FBXL2: variants seen among roughly 807,000 people sequenced by gnomAD.
FBXL2 encodes F-box and leucine rich repeat protein 2, also known as F-box/LRR-repeat protein 2.
A neutral mutation model predicts 69.2 loss-of-function variants in FBXL2; 38 were observed. The ratio of observed to expected loss-of-function variants is 0.55; its 90% CI spans 0.42 to 0.72. The LOEUF is 0.72. Ranked by LOEUF, FBXL2 falls within the 30% of genes least tolerant of loss-of-function variation. FBXL2 has a pLI of 0.00. For synonymous variants in FBXL2, 192 were observed against 201.3 expected (o/e 0.95, Z 0.39); for missense variants, 354 against 520.3 (o/e 0.68, Z 3.11).
intron 2 of FBXL2, among the ~76,000 whole-genome samples, chr3:33,303,410 T>C (rs1259251695): frequency 1.3e-5 from 2 of 152,172 alleles, no homozygotes; most frequent in Non-Finnish European, 2.9e-5. Context: ...AAGGTCCAAA[T>C]TGGCAGAAGC....
intron 2 of FBXL2, among the ~76,000 whole-genome samples, chr3:33,354,504 C>T (rs1184828124): frequency 2.0e-5 from 3 of 150,380 alleles, no homozygotes; most frequent in Admixed American, 2.0e-4. Flanking sequence ...CAGAGTGAGA[C>T]TCCATCTGGA....
chr3:33,302,077 C>T (rs545727813), intron 2 of FBXL2, among the ~76,000 whole-genome samples: 7 of 151,972 alleles, frequency 4.6e-5, no homozygotes, highest in Non-Finnish European at 8.8e-5. Context: ...TTTGGATGCC[C>T]GAATATTTAA....
intron 2 of FBXL2, among the ~76,000 whole-genome samples, chr3:33,314,876 A>G (rs575534679): frequency 2.9e-4 from 44 of 152,346 alleles, no homozygotes; most frequent in Admixed American, 1.6e-3. Context: ...TTGAAGTGAC[A>G]TACTCAATTC....
At chr3:33,337,995 A>G (rs1248979031) in intron 2 of FBXL2, among the ~76,000 whole-genome samples, 4 of 152,252 alleles carry the variant, frequency 2.6e-5, no homozygotes, top group African/African-American at 7.2e-5. Context: ...TTTCATGCTC[A>G]TGGATGGGAA....
chr3:33,337,241 T>C (rs1356784031), intron 2 of FBXL2, among the ~76,000 whole-genome samples: 1 of 151,726 alleles, frequency 6.6e-6, no homozygotes, highest in East Asian at 1.9e-4. Flanking sequence ...CTTAAGATAA[T>C]GTGAAAGGAC....
At chr3:33,412,179 T>G in the FBXL2 span, among the ~76,000 whole-genome samples, 32 of 96,728 alleles carry the variant, frequency 3.3e-4, no homozygotes, top group Admixed American at 1.6e-3. Flanking sequence ...AGAGCGAAAC[T>G]CCGTCTCAAA....
At chr3:33,288,676 G>A (rs2034906938) in intron 1 of FBXL2, among the ~76,000 whole-genome samples, 1 of 152,154 alleles carries the variant, frequency 6.6e-6, no homozygotes, top group Non-Finnish European at 1.5e-5. Flanking sequence ...AAAACCAGTG[G>A]GGCTGGAGTG....
At chr3:33,376,210 A>T (rs184978060) in intron 10 of FBXL2, among the ~76,000 whole-genome samples, 417 of 152,286 alleles carry the variant, frequency 2.7e-3, no homozygotes, top group Admixed American at 7.8e-3. Flanking sequence ...AAGGTAATAG[A>T]TTATCATTAC....
chr3:33,383,922 T>A, intron 13 of FBXL2, 67 bp from the exon 14 acceptor site: 1 of 1,473,736 alleles, frequency 6.8e-7, no homozygotes, highest in Non-Finnish European at 9.4e-7. Context: ...AGCTTCCAGC[T>A]TTTTTTTAGG....
chr3:33,399,445 G>A (rs2044137913), intron 12 of FBXL2, among the ~76,000 whole-genome samples: 1 of 152,048 alleles, frequency 6.6e-6, no homozygotes, highest in Non-Finnish European at 1.5e-5. Context: ...AACTGTAATT[G>A]AGTACACTCA....
At chr3:33,280,733 A>G (rs935536337) in intron 1 of FBXL2, among the ~76,000 whole-genome samples, 6 of 146,706 alleles carry the variant, frequency 4.1e-5, no homozygotes, top group Non-Finnish European at 7.6e-5. Context: ...AAAAAAAAAA[A>G]GAAAAGAAAA....
chr3:33,382,484 A>C (rs2043129379), intron 13 of FBXL2: 1 of 152,218 alleles, frequency 6.6e-6, no homozygotes, highest in African/African-American at 2.4e-5. Context: ...GAATGGAATT[A>C]TCATGTATAC....
rs191076527 is a variant in FBXL2, at chr3:33,292,936, A to G, written c.4-4728A>G. Among the ~76,000 whole-genome samples the G allele has an allele frequency of 3.4e-3, 519 of 152,350 alleles. 2 individuals are homozygous for G. The highest frequency in any genetic ancestry group is 5.7e-3 in the Non-Finnish European group (391 of 68,016). ...TGATGAAAGGTTAATTCCTACAGGA[A>G]CCATAACAATTATAAGCACATATGC... On this transcript the variant is annotated intron_variant, in intron 1 of 14. Coordinates refer to ENST00000484457, the MANE Select transcript of FBXL2 (RefSeq NM_012157.5).
At chr3:33,401,153 C>T in intron 12 of FBXL2, 1 of 690,202 alleles carries the variant, frequency 1.4e-6, no homozygotes, top group Non-Finnish European at 2.3e-6. Context: ...TGAAAGTCTG[C>T]AACAAAATGC....
At chr3:33,418,362 T>A in the FBXL2 span, among the ~76,000 whole-genome samples, 32 of 152,068 alleles carry the variant, frequency 2.1e-4, no homozygotes, top group African/African-American at 7.2e-4. Flanking sequence ...CAAGCAATTC[T>A]CCCTGCCTTG....
intron 2 of FBXL2, among the ~76,000 whole-genome samples, chr3:33,323,750 A>G (rs945942237): frequency 1.3e-5 from 2 of 152,158 alleles, no homozygotes; most frequent in African/African-American, 4.8e-5. Context: ...GCTATTGTGA[A>G]TAGTGCTGCA....
At chr3:33,286,878 C>G (rs561458498) in intron 1 of FBXL2, among the ~76,000 whole-genome samples, 2 of 152,212 alleles carry the variant, frequency 1.3e-5, no homozygotes, top group Non-Finnish European at 2.9e-5. Context: ...TTTGCTAAGA[C>G]CATTGGAAAA....
the FBXL2 span, among the ~76,000 whole-genome samples, chr3:33,415,029 A>C: frequency 6.6e-6 from 1 of 152,184 alleles, no homozygotes. Context: ...TTGTATATTA[A>C]ATGTTTTTAC....
chr3:33,373,777 C>T, intron 8 of FBXL2, 70 bp from the exon 9 acceptor site: 2 of 1,613,808 alleles, frequency 1.2e-6, no homozygotes, highest in Non-Finnish European at 1.7e-6. Flanking sequence ...GCTGCTTTTG[C>T]ATTTTTCTTG....
Sources: allele counts gnomAD v4.1 joint callset (sites outside exome capture counted in the v4.1 genomes callset), GRCh38; gene constraint gnomAD v4.1.1; transcripts MANE v1.5; gene names NCBI Gene and HGNC (gene_info 2026-07-23, HGNC 2026-07-21).